Variants in KLF9 observed in about 807,000 individuals in gnomAD.
KLF9 encodes Krueppel-like factor 9.
In KLF9, 2 loss-of-function variants were observed where a neutral mutation model predicts 17.3. That is an observed-to-expected ratio of 0.12 (90% CI 0.05 to 0.36). The LOEUF (loss-of-function observed/expected upper bound fraction) is 0.36, where lower values mean the gene tolerates loss of function less well. Among genes scored for constraint, KLF9 ranks in the 10% least tolerant of loss-of-function variants. KLF9 has a pLI of 1.00. For missense variants in KLF9, 226 were observed against 333.2 expected, an observed-to-expected ratio of 0.68 and a Z score of 2.51; for synonymous variants, 138 against 139.2, an observed-to-expected ratio of 0.99 and a Z score of 0.06.
chr9:70,390,657 A>ACTCTCT (rs142487683), intron 1 of KLF9, among the ~76,000 whole-genome samples: 1 of 146,344 alleles, frequency 6.8e-6, no homozygotes, highest in African/African-American at 2.5e-5. Context: ...ACATACACAC[A>ACTCTCT]CTCTCTCTCT....
At chr9:70,398,402 A>G (rs776424982) in intron 1 of KLF9, among the ~76,000 whole-genome samples, 1 of 152,192 alleles carries the variant, frequency 6.6e-6, no homozygotes, top group South Asian at 2.1e-4. Context: ...ATATCCAAAT[A>G]TCGTGCACAC....
chr9:70,410,179 A>G (rs1445563636), intron 1 of KLF9, among the ~76,000 whole-genome samples: 1 of 152,246 alleles, frequency 6.6e-6, no homozygotes, highest in Non-Finnish European at 1.5e-5. Flanking sequence ...TTGCTAGGCA[A>G]GAATTCAGGC....
chr9:70,400,223 T>C (rs1228241536), intron 1 of KLF9, among the ~76,000 whole-genome samples: 3 of 152,128 alleles, frequency 2.0e-5, no homozygotes, highest in Non-Finnish European at 4.4e-5. Context: ...AGCCCAAAAC[T>C]GTGCTGTTGG....
At chr9:70,396,706 A>G (rs888883863) in intron 1 of KLF9, among the ~76,000 whole-genome samples, 1 of 152,264 alleles carries the variant, frequency 6.6e-6, no homozygotes, top group Non-Finnish European at 1.5e-5. Flanking sequence ...GTGAGGAGAT[A>G]AAGAATAACT....
intron 1 of KLF9, among the ~76,000 whole-genome samples, chr9:70,410,565 T>C (rs971366547): frequency 4.6e-5 from 7 of 152,204 alleles, no homozygotes; most frequent in Admixed American, 1.3e-4. Context: ...TATGTGTCTC[T>C]ATAAGGAAGT....
In KLF9 at chr9:70,413,491, C is replaced by G. The variant is rs1337164891; in HGVS notation, c.-128G>C. 3.0e-6 allele frequency: 3 copies of G among 996,820 alleles called. No homozygotes were observed. Among genetic ancestry groups the G allele is most frequent in the Non-Finnish European group, 3.8e-6 (3 of 787,544 alleles). 61.7% of individuals were successfully genotyped at this position (996,820 alleles called of 1,614,324 possible). On this transcript the variant is annotated 5_prime_UTR_variant, in exon 1 of 2. Transcript: ENST00000377126. This position sits in a 1 kb window ranked among gnomAD's most constrained non-coding sequence, Gnocchi z 5.6. ...CGGCACGGCGCGGCGGCCAAGGGGG[C>G]GGGGGCGCGGGGCGCTTCCGACTCG... is the stretch of plus-strand genomic sequence containing the variant.
intron 1 of KLF9, among the ~76,000 whole-genome samples, chr9:70,409,525 C>A (rs2037295155): frequency 6.6e-6 from 1 of 151,884 alleles, no homozygotes; most frequent in South Asian, 2.1e-4. Flanking sequence ...TTACCACCCG[C>A]CCCCCAAAAT....
chr9:70,390,508 G>A (rs1251129623), intron 1 of KLF9, among the ~76,000 whole-genome samples: 1 of 152,080 alleles, frequency 6.6e-6, no homozygotes, highest in African/African-American at 2.4e-5. Context: ...GCAGACTTTT[G>A]AGCAAAAGTC....
chr9:70,409,135 C>T lies in KLF9; in HGVS notation c.505+3724G>A, dbSNP rs547283006. Among the ~76,000 whole-genome samples, 91 of 48,890 alleles carry T rather than the reference C, an allele frequency of 1.9e-3. 4 individuals are homozygous for T. Among genetic ancestry groups the T allele is most frequent in the Non-Finnish European group, 2.7e-3 (47 of 17,466 alleles). The allele number at this position is 48,890 out of a possible 152,430, so 32.1% of individuals were successfully genotyped here. ...ATATACATATATGTATATATGTATA[C>T]ATATATATGTATATGTATATATATA... On this transcript the variant is annotated intron_variant, in intron 1 of 1. Transcript: ENST00000377126.
chr9:70,397,109 G>A (rs1430494057), intron 1 of KLF9, among the ~76,000 whole-genome samples: 3 of 152,200 alleles, frequency 2.0e-5, no homozygotes, highest in Admixed American at 6.5e-5. Flanking sequence ...ACTTCAGTAA[G>A]TGATCCATGA....
At chr9:70,411,948 C>G (rs950792474) in intron 1 of KLF9, among the ~76,000 whole-genome samples, 7 of 152,082 alleles carry the variant, frequency 4.6e-5, no homozygotes, top group Non-Finnish European at 8.8e-5. Flanking sequence ...ACACAACCAA[C>G]AGAATTGGAT....
rs368642433 is a variant in KLF9, at chr9:70,399,517, G to A, written c.506-11512C>T. Among the ~76,000 whole-genome samples, 344 of 152,354 alleles carry A rather than the reference G, an allele frequency of 2.3e-3. 1 individual carries two copies. The highest frequency in any genetic ancestry group is 7.7e-3 in the African/African-American group (319 of 41,582). ...CAAGATATAAATGCCTAATGGCAAA[G>A]CTATCCCAAGAACAGATTCTTTGAA... On this transcript the variant is annotated intron_variant, in intron 1 of 1. Transcript: ENST00000377126.
At chr9:70,393,722 G>A (rs2037165383) in intron 1 of KLF9, among the ~76,000 whole-genome samples, 1 of 152,120 alleles carries the variant, frequency 6.6e-6, no homozygotes, top group African/African-American at 2.4e-5. Flanking sequence ...TGCCAATTAA[G>A]AATTAAAGTT....
chr9:70,397,590 C>T (rs943230531), intron 1 of KLF9, among the ~76,000 whole-genome samples: 3 of 152,164 alleles, frequency 2.0e-5, no homozygotes, highest in African/African-American at 7.2e-5. Context: ...ACATGGCCCT[C>T]TTATAAGAAC....
intron 1 of KLF9, among the ~76,000 whole-genome samples, chr9:70,408,741 G>A (rs896996126): frequency 2.6e-5 from 4 of 152,040 alleles, no homozygotes; most frequent in African/African-American, 7.2e-5. Context: ...GCAACCTCAT[G>A]CCTTTAAGCA....
At chr9:70,404,222 T>C (rs1308313053) in intron 1 of KLF9, among the ~76,000 whole-genome samples, 1 of 152,228 alleles carries the variant, frequency 6.6e-6, no homozygotes, top group Non-Finnish European at 1.5e-5. Context: ...GTCATTATTA[T>C]CACTATTAGC....
At chr9:70,395,970 C>T (rs2037179667) in intron 1 of KLF9, among the ~76,000 whole-genome samples, 2 of 152,068 alleles carry the variant, frequency 1.3e-5, no homozygotes, top group East Asian at 3.8e-4. Flanking sequence ...AAATAAAATA[C>T]TAATGACCAA....
chr9:70,406,528 T>G (rs925302420), intron 1 of KLF9, among the ~76,000 whole-genome samples: 1 of 152,224 alleles, frequency 6.6e-6, no homozygotes, highest in Non-Finnish European at 1.5e-5. Context: ...CCAAGTGCTC[T>G]GAGTTAGGCC....
intron 1 of KLF9, among the ~76,000 whole-genome samples, chr9:70,390,929 C>A (rs1719978209): frequency 6.6e-6 from 1 of 152,138 alleles, no homozygotes. Flanking sequence ...TTTTGGAGCC[C>A]TTTCTCCACT....
Sources: allele counts gnomAD v4.1 joint callset (sites outside exome capture counted in the v4.1 genomes callset), GRCh38; gene constraint gnomAD v4.1.1; non-coding constraint Gnocchi (gnomAD v3.1); transcripts MANE v1.5; gene names NCBI Gene and HGNC (gene_info 2026-07-23, HGNC 2026-07-21).